EEPD1: variants seen among roughly 807,000 people sequenced by gnomAD.
EEPD1 encodes the protein endonuclease/exonuclease/phosphatase family domain-containing protein 1.
A neutral mutation model predicts 46.3 loss-of-function variants in EEPD1; 17 were observed. That is an observed-to-expected ratio of 0.37 (90% CI 0.25 to 0.55). EEPD1 has a LOEUF of 0.55. Among genes scored for constraint, EEPD1 ranks in the 20% least tolerant of loss-of-function variants. The probability of loss-of-function intolerance (pLI) is 0.83; values close to 1 mark genes in which losing one functional copy is unlikely to be tolerated. For missense variants in EEPD1, 673 were observed against 745.6 expected, an observed-to-expected ratio of 0.90 and a Z score of 1.13; for synonymous variants, 313 against 315.6, an observed-to-expected ratio of 0.99 and a Z score of 0.09.
chr7:36,205,222 CG>C (rs1583807836), intron 2 of EEPD1, among the ~76,000 whole-genome samples: 2 of 152,130 alleles, frequency 1.3e-5, no homozygotes, highest in Admixed American at 1.3e-4. Flanking sequence ...AAACAAAAGC[CG>C]GAAGGAGGTT....
intron 2 of EEPD1, among the ~76,000 whole-genome samples, chr7:36,212,120 GCA>G (rs1378092349): frequency 6.6e-6 from 1 of 152,150 alleles, no homozygotes; most frequent in Non-Finnish European, 1.5e-5. Context: ...TATAGAACCT[GCA>G]CAGAAGAAAT....
chr7:36,268,814 G>A (rs140467589), intron 3 of EEPD1, among the ~76,000 whole-genome samples: 37 of 152,262 alleles, frequency 2.4e-4, no homozygotes, highest in South Asian at 1.9e-3. Context: ...TACGTGAGGC[G>A]GGAATGATTC....
rs1241408314 is a variant in EEPD1, at chr7:36,205,490, G to C, written c.879-33495G>C. Among the ~76,000 whole-genome samples the C allele has an allele frequency of 2.0e-5, 3 of 152,280 alleles. No individual in the cohort carries two copies. The East Asian group carries it at 5.8e-4, about 29-fold the overall frequency. On this transcript the variant is annotated intron_variant, in intron 2 of 7. Coordinates refer to ENST00000242108, the MANE Select transcript of EEPD1 (RefSeq NM_030636.3). ...GCCCACATTTTAGGTGGGAGAGAAG[G>C]GAGTGGCCTGTAAAGTATTTCTGGC... is the stretch of plus-strand genomic sequence containing the variant.
At chr7:36,216,887 A>G (rs1786037640) in intron 2 of EEPD1, among the ~76,000 whole-genome samples, 1 of 152,286 alleles carries the variant, frequency 6.6e-6, no homozygotes, top group African/African-American at 2.4e-5. Context: ...AAGGTCTAGA[A>G]GGATACATAT....
At position 36,281,199 on chromosome 7, in the gene EEPD1, G is replaced by A. The variant is rs1019797143; in HGVS notation, c.1015G>A (p.Glu339Lys). ...GGGATGCTGGAAGGCTGTTGTTGCTGAGAAGCCCTCGAGTCAGCTCCAGAA... is the reference window on the plus strand; with the variant it reads ...GGGATGCTGGAAGGCTGTTGTTGCTAAGAAGCCCTCGAGTCAGCTCCAGAA... ...PRGCWKAVVA[E>K]KPSSQLQKGA... The change falls in exon 4 of 8, where the codon GAG (glutamate) becomes AAG (lysine). Residue 339 changes from glutamate to lysine, a missense_variant. Coordinates refer to ENST00000242108, the MANE Select transcript of EEPD1 (RefSeq NM_030636.3). 5.0e-6 allele frequency: 8 copies of A among 1,614,182 alleles called. No individual in the cohort carries two copies. Among genetic ancestry groups the A allele is most frequent in the Middle Eastern group, 3.3e-4 (2 of 6,062 alleles).
chr7:36,166,940 A>G (rs1296051193), intron 2 of EEPD1, among the ~76,000 whole-genome samples: 1 of 152,142 alleles, frequency 6.6e-6, no homozygotes, highest in Non-Finnish European at 1.5e-5. Context: ...GGGGGCTTCA[A>G]CCACAGAAAT....
rs142473698 is a variant in EEPD1, at chr7:36,236,977, C to T, written c.879-2008C>T. Among the ~76,000 whole-genome samples, 90 of 152,348 alleles carry T rather than the reference C, an allele frequency of 5.9e-4. 1 individual carries two copies. In the East Asian group the frequency reaches 0.015, roughly 25 times the overall value. The stretch of plus-strand genomic sequence containing the variant: ...GTGGAAGCTTCGTTCTTTTGCTCTT[C>T]GCAATAAATCTTACTGCTGCTCCCT... On this transcript the variant is annotated intron_variant, in intron 2 of 7. Transcript: ENST00000242108.
intron 2 of EEPD1, among the ~76,000 whole-genome samples, chr7:36,179,697 TAAAAAA>T (rs56263813): frequency 4.7e-5 from 4 of 85,468 alleles, no homozygotes; most frequent in South Asian, 4.9e-4. Flanking sequence ...CTGTCTCTAC[TAAAAAA>T]AAAAAAAAAA....
chr7:36,298,865 G>A lies in EEPD1; in HGVS notation c.1511-142G>A, dbSNP rs75099382. ...TTAATATGCACAGGCAAATGCACAG[G>A]CACCTTCCAGCTACCTGAGGCAGCC... On this transcript the variant is annotated intron_variant, in intron 7 of 7. Coordinates refer to ENST00000242108, the MANE Select transcript of EEPD1 (RefSeq NM_030636.3). The A allele has an allele frequency of 6.4e-3, 5,621 of 873,812 alleles. 26 individuals are homozygous for A. The highest frequency in any genetic ancestry group is 8.2e-3 in the Non-Finnish European group (4,549 of 554,036). The allele number at this position is 873,812 out of a possible 1,614,324, so 54.1% of individuals were successfully genotyped here. A position where few individuals can be genotyped will look rare whatever the true frequency, so the allele number is the denominator to read the frequency against.
Position 36,296,686 on chromosome 7 carries a change from C to T in EEPD1, c.1316-307C>T, listed in dbSNP as rs570180087. On this transcript the variant is annotated intron_variant, in intron 6 of 7. Transcript: ENST00000242108. ...TTTTTGTTAAATATTTGGGTAAGAC[C>T]CTTAGGTCTTTTTTTTTTTTTTTTT... Among the ~76,000 whole-genome samples, 262 of 140,234 alleles carry T rather than the reference C, an allele frequency of 1.9e-3. 1 individual carries two copies. Among genetic ancestry groups the T allele is most frequent in the African/African-American group, 6.6e-3 (249 of 37,588 alleles). The allele number at this position is 140,234 out of a possible 152,430, so 92.0% of individuals were successfully genotyped here.
intron 3 of EEPD1, among the ~76,000 whole-genome samples, chr7:36,255,614 G>A (rs1025406559): frequency 5.9e-5 from 9 of 152,110 alleles, no homozygotes; most frequent in Admixed American, 2.6e-4. Flanking sequence ...GTTTATTTGC[G>A]TACAAGTGTT....
intron 2 of EEPD1, among the ~76,000 whole-genome samples, chr7:36,199,512 C>T (rs755640911): frequency 1.5e-4 from 23 of 152,058 alleles, no homozygotes; most frequent in Non-Finnish European, 2.5e-4. Flanking sequence ...GCAGTCATGA[C>T]ATCTGAAACT....
intron 6 of EEPD1, among the ~76,000 whole-genome samples, chr7:36,290,157 G>A (rs1014578425): frequency 2.0e-5 from 3 of 152,150 alleles, no homozygotes; most frequent in Admixed American, 6.5e-5. Context: ...AACTTTTTGT[G>A]GAAGCAGAAA....
chr7:36,181,179 A>G (rs1416653739), intron 2 of EEPD1, among the ~76,000 whole-genome samples: 1 of 152,046 alleles, frequency 6.6e-6, no homozygotes, highest in African/African-American at 2.4e-5. Context: ...ACAGTCTCCT[A>G]TCCACGCGCT....
chr7:36,187,850 G>T (rs1035467131), intron 2 of EEPD1, among the ~76,000 whole-genome samples: 1 of 152,158 alleles, frequency 6.6e-6, no homozygotes, highest in Non-Finnish European at 1.5e-5. Context: ...AGGCTGGAGT[G>T]CAGTGGCATG....
intron 3 of EEPD1, among the ~76,000 whole-genome samples, chr7:36,275,655 T>C (rs902863260): frequency 3.3e-5 from 5 of 152,036 alleles, no homozygotes; most frequent in African/African-American, 1.2e-4. Context: ...AGAGACAGAG[T>C]TTCACCATGT....
At chr7:36,243,464 A>G (rs922273003) in intron 3 of EEPD1, among the ~76,000 whole-genome samples, 15 of 152,212 alleles carry the variant, frequency 9.9e-5, no homozygotes, top group African/African-American at 3.6e-4. Flanking sequence ...TTAGTTAGAC[A>G]CACATTCTGC....
chr7:36,297,315 C>T, intron 7 of EEPD1, 128 bp downstream of exon 7: 1 of 1,066,418 alleles, frequency 9.4e-7, no homozygotes, highest in Non-Finnish European at 1.3e-6. Flanking sequence ...GACTGTATAA[C>T]TGTCATTTAA....
intron 2 of EEPD1, among the ~76,000 whole-genome samples, chr7:36,172,321 G>A (rs1312392805): frequency 6.6e-5 from 10 of 152,148 alleles, no homozygotes; most frequent in Admixed American, 6.5e-4. Flanking sequence ...CCCTGAGAGG[G>A]GCCTGTCTCA....
Sources: gnomAD v4.1 joint callset for allele counts (sites outside exome capture counted in the v4.1 genomes callset) on GRCh38, gnomAD v4.1.1 for gene constraint, MANE v1.5 for transcripts, NCBI Gene and HGNC (gene_info 2026-07-23, HGNC 2026-07-21) for gene names.